Variants in SGCD observed in about 807,000 individuals in gnomAD.
SGCD encodes the protein delta-sarcoglycan.
A neutral mutation model predicts 36.6 loss-of-function variants in SGCD; 18 were observed. That is an observed-to-expected ratio of 0.49 (90% CI 0.34 to 0.73). SGCD has a LOEUF of 0.73. Among genes scored for constraint, SGCD ranks in the 30% least tolerant of loss-of-function variants. SGCD has a pLI of 0.01. For synonymous variants in SGCD, 133 were observed against 130.6 expected, an observed-to-expected ratio of 1.02 and a Z score of -0.12; for missense variants, 387 against 346.7, an observed-to-expected ratio of 1.12 and a Z score of -0.92.
In SGCD at chr5:156,685,727, C is replaced by G. The variant is rs112591553; in HGVS notation, c.575+38191C>G. On this transcript the variant is annotated intron_variant, in intron 7 of 8. Coordinates refer to ENST00000337851, the MANE Select transcript of SGCD (RefSeq NM_000337.6). The stretch of plus-strand genomic sequence containing the variant: ...ATTTACTTTAGTGTCTTGGCAGTAA[C>G]CAGTATCTACAGTACCTACTTAACA... Among the ~76,000 whole-genome samples the G allele has an allele frequency of 3.5e-3, 527 of 152,306 alleles. 6 individuals are homozygous for G. The highest frequency in any genetic ancestry group is 0.012 in the African/African-American group (494 of 41,572).
chr5:155,780,439 C>T, the SGCD span, among the ~76,000 whole-genome samples: 1 of 152,108 alleles, frequency 6.6e-6, no homozygotes, highest in East Asian at 1.9e-4. Flanking sequence ...GTCAGAGTTC[C>T]TGTATCTTAA....
intron 6 of SGCD, among the ~76,000 whole-genome samples, chr5:156,627,432 T>G (rs1232050128): frequency 6.6e-6 from 1 of 152,218 alleles, no homozygotes; most frequent in African/African-American, 2.4e-5. Context: ...CTTACTCTTC[T>G]GATTTTAATG....
At chr5:156,382,084 G>A (rs1386517905) in intron 3 of SGCD, among the ~76,000 whole-genome samples, 1 of 151,982 alleles carries the variant, frequency 6.6e-6, no homozygotes, top group East Asian at 1.9e-4. Context: ...CTCAACCAAA[G>A]GCCCAGGAAT....
intron 3 of SGCD, among the ~76,000 whole-genome samples, chr5:156,499,385 A>G (rs1184187284): frequency 6.6e-6 from 1 of 152,224 alleles, no homozygotes; most frequent in East Asian, 1.9e-4. Flanking sequence ...AGCCCCCAAG[A>G]TGAAATAATA....
At chr5:155,865,368 A>C (rs993637429), upstream of SGCD, among the ~76,000 whole-genome samples, 1 of 152,116 alleles carries the variant, frequency 6.6e-6, no homozygotes, top group East Asian at 1.9e-4. Flanking sequence ...ATCTACTTCA[A>C]CTTTCAATTT....
intron 1 of SGCD, among the ~76,000 whole-genome samples, chr5:155,970,019 T>TACAC (rs909135831): frequency 1.3e-5 from 2 of 151,098 alleles, no homozygotes; most frequent in South Asian, 4.2e-4. Flanking sequence ...ACAGGACACA[T>TACAC]ACACACACAC....
chr5:156,739,378 A>G (rs933224333), intron 7 of SGCD, among the ~76,000 whole-genome samples: 2 of 152,234 alleles, frequency 1.3e-5, no homozygotes, highest in African/African-American at 4.8e-5. Context: ...ACCAAGTAGA[A>G]TTATCACATT....
chr5:156,316,844 G>A (rs1440547751), intron 3 of SGCD, among the ~76,000 whole-genome samples: 1 of 152,060 alleles, frequency 6.6e-6, no homozygotes, highest in Non-Finnish European at 1.5e-5. Flanking sequence ...GAGATTGGAG[G>A]CAGAGACAGT....
At chr5:156,580,253 C>T (rs960165420) in intron 4 of SGCD, among the ~76,000 whole-genome samples, 2 of 152,254 alleles carry the variant, frequency 1.3e-5, no homozygotes, top group African/African-American at 4.8e-5. Context: ...CCACTCTCTA[C>T]TGGCTTGCAG....
At chr5:156,448,883 G>A (rs1753869318) in intron 3 of SGCD, among the ~76,000 whole-genome samples, 1 of 151,486 alleles carries the variant, frequency 6.6e-6, no homozygotes, top group Non-Finnish European at 1.5e-5. Context: ...CAAGTAGCTG[G>A]GATTGCAGGC....
the SGCD span, among the ~76,000 whole-genome samples, chr5:155,796,721 G>A: frequency 1.4e-5 from 2 of 146,484 alleles, no homozygotes; most frequent in East Asian, 4.1e-4. Context: ...CAGGGGAATC[G>A]CTTGAACCCA....
At chr5:156,524,698 C>T (rs1757572792) in intron 4 of SGCD, among the ~76,000 whole-genome samples, 1 of 151,930 alleles carries the variant, frequency 6.6e-6, no homozygotes, top group South Asian at 2.1e-4. Flanking sequence ...AACTTATTCA[C>T]GTTATAAATG....
chr5:156,428,772 C>G (rs1299690129), intron 3 of SGCD, among the ~76,000 whole-genome samples: 1 of 152,086 alleles, frequency 6.6e-6, no homozygotes, highest in Non-Finnish European at 1.5e-5. Context: ...AAATTTCCAT[C>G]TTGATTTCAT....
intron 1 of SGCD, among the ~76,000 whole-genome samples, chr5:156,040,306 G>A (rs111773299): frequency 0.013 from 1,980 of 152,272 alleles, 60 homozygotes; most frequent in African/African-American, 0.046. Context: ...TGGCGTCTCC[G>A]ACAAGCGGGA....
chr5:156,351,599 C>T (rs1769258497), intron 3 of SGCD, among the ~76,000 whole-genome samples: 1 of 123,338 alleles, frequency 8.1e-6, no homozygotes, highest in East Asian at 3.1e-4. Flanking sequence ...TTGCTATCGT[C>T]GTAGTCATCA....
At chr5:156,526,201 A>G (rs572717269) in intron 4 of SGCD, among the ~76,000 whole-genome samples, 261 of 152,106 alleles carry the variant, frequency 1.7e-3, no homozygotes, top group African/African-American at 5.7e-3. Flanking sequence ...TAAGCTGGGG[A>G]AGGAGGGAGA....
chr5:156,158,365 T>A (rs191734784), intron 3 of SGCD, among the ~76,000 whole-genome samples: 1 of 151,828 alleles, frequency 6.6e-6, no homozygotes, highest in Admixed American at 6.5e-5. Context: ...GTTTCTCTTA[T>A]TTTTCCATTT....
the SGCD span, among the ~76,000 whole-genome samples, chr5:155,848,637 G>T: frequency 1.3e-5 from 2 of 152,060 alleles, no homozygotes; most frequent in Non-Finnish European, 2.9e-5. Flanking sequence ...TGTATTAATA[G>T]TACTTTTTTC....
In SGCD at chr5:156,188,675, C is replaced by CT. The variant is rs749626885; in HGVS notation, c.-44+64656_-44+64657insT. Among the ~76,000 whole-genome samples the CT allele has an allele frequency of 2.1e-3, 270 of 129,052 alleles. 1 individual carries two copies. Among genetic ancestry groups the CT allele is most frequent in the Non-Finnish European group, 3.0e-3 (179 of 58,788 alleles). 84.7% of individuals were successfully genotyped at this position (129,052 alleles called of 152,430 possible). ...TCTCTGACCACCCCAACCGCCCCCC[C>CT]CGACACACATACACACAATCCCTCT... is the stretch of plus-strand genomic sequence containing the variant. On this transcript the variant is annotated intron_variant, in intron 3 of 9. Coordinates refer to the SGCD transcript ENST00000517913.
Sources: gnomAD v4.1 joint callset for allele counts (sites outside exome capture counted in the v4.1 genomes callset) on GRCh38, gnomAD v4.1.1 for gene constraint, MANE v1.5 for transcripts, NCBI Gene and HGNC (gene_info 2026-07-23, HGNC 2026-07-21) for gene names.